The following ABLIM2 variants were observed in gnomAD, a reference collection of about 807,000 sequenced individuals.
ABLIM2 encodes actin-binding LIM protein 2.
ABLIM2 carries 53 observed loss-of-function variants against 97.7 expected under a neutral mutation model. The ratio of observed to expected loss-of-function variants is 0.54; its 90% CI spans 0.44 to 0.68. The LOEUF (loss-of-function observed/expected upper bound fraction) is 0.68, where lower values mean the gene tolerates loss of function less well. ABLIM2 is among the 30% of genes least tolerant of loss of function. The pLI is 0.00. For missense variants in ABLIM2, 835 were observed against 867.2 expected, an observed-to-expected ratio of 0.96 and a Z score of 0.47; for synonymous variants, 361 against 345.8, an observed-to-expected ratio of 1.04 and a Z score of -0.49.
rs138468536 is a variant in ABLIM2 at position 8,081,012 on chromosome 4, A to C, written c.455-210T>G. 2.9e-3 allele frequency among the ~76,000 whole-genome samples: 448 copies of C among 152,270 alleles called. 5 individuals are homozygous for C. The highest frequency in any genetic ancestry group is 0.021 in the Admixed American group (319 of 15,298). On this transcript the variant is annotated intron_variant, in intron 4 of 20. Transcript: ENST00000447017. ...ACTGGGGAAGTTTGACCCTGCATGCATTGAGCACTGACTGCATGCAGCCTG... is the reference window on the plus strand; with the variant it reads ...ACTGGGGAAGTTTGACCCTGCATGCCTTGAGCACTGACTGCATGCAGCCTG...
chr4:8,110,797 G>C (rs536239850), intron 1 of ABLIM2, among the ~76,000 whole-genome samples: 1 of 152,218 alleles, frequency 6.6e-6, no homozygotes, highest in Non-Finnish European at 1.5e-5. Flanking sequence ...GCCCTCTCGC[G>C]ATGGGAGATA....
In ABLIM2 at chr4:8,080,730, C is replaced by A. The variant is rs1561236738; in HGVS notation, c.527G>T (p.Gly176Val). ...CCCACAGCTCTTGCACTTAAAACAG[C>A]CCAAGTGCCAGTGCTTGTCCAAGGC... ...LVALDKHWHL[G>V]CFKCKSCGKL... The change falls in exon 5 of 21, where the codon GGC (glycine) becomes GTC (valine). Residue 176 changes from glycine (G) to valine (V), a missense_variant. Physicochemically the swap from Gly to Val is moderately radical, Grantham distance 109. Transcript: ENST00000447017. 1.9e-6 allele frequency: 3 copies of A among 1,612,962 alleles called. No homozygotes were observed. The highest frequency in any genetic ancestry group is 1.7e-5 in the Admixed American group (1 of 59,990).
At chr4:8,136,792 G>A (rs1306537352) in intron 1 of ABLIM2, among the ~76,000 whole-genome samples, 2 of 152,210 alleles carry the variant, frequency 1.3e-5, no homozygotes, top group East Asian at 1.9e-4. Flanking sequence ...ACGTGGCCTC[G>A]GGTCCAGCTG....
chr4:8,067,973 C>T lies in ABLIM2; in HGVS notation c.676-6919G>A, dbSNP rs1809108054. Among the ~76,000 whole-genome samples the T allele has an allele frequency of 6.6e-6, 1 of 152,186 alleles. No individual in the cohort carries two copies. Among genetic ancestry groups the T allele is most frequent in the South Asian group, 2.1e-4 (1 of 4,830 alleles). On this transcript the variant is annotated intron_variant, in intron 6 of 20. Coordinates refer to ENST00000447017, the MANE Select transcript of ABLIM2 (RefSeq NM_001130083.2). This position sits in a 1 kb window ranked among gnomAD's most constrained non-coding sequence, Gnocchi z 5.4. ...CTACCCCATACTTCCTGCTGAGAACCAGTGGGTCACAGGCGGCCATCGATG... is the reference window on the plus strand; with the variant it reads ...CTACCCCATACTTCCTGCTGAGAACTAGTGGGTCACAGGCGGCCATCGATG...
intron 1 of ABLIM2, 117 bp downstream of exon 1, chr4:8,158,563 G>A: frequency 7.7e-7 from 1 of 1,295,728 alleles, no homozygotes; most frequent in Admixed American, 2.3e-5. Context: ...AAAGTTGGGT[G>A]GAGCCGCTGG....
In ABLIM2 at chr4:8,149,607, C is replaced by G. The variant is rs550303113; in HGVS notation, c.10+9073G>C. 6.6e-6 allele frequency among the ~76,000 whole-genome samples: 1 copy of G among 151,682 alleles called. No individual in the cohort carries two copies. Among genetic ancestry groups the G allele is most frequent in the Non-Finnish European group, 1.5e-5 (1 of 67,948 alleles). Reference sequence around the variant, plus strand: ...GAGAGGAGGAGGGACTCCAGGGGAGCGGGGGCAGGCAGAAGGCGGCAGGAA... The same window carrying G: ...GAGAGGAGGAGGGACTCCAGGGGAGGGGGGGCAGGCAGAAGGCGGCAGGAA... On this transcript the variant is annotated intron_variant, in intron 1 of 20. Coordinates refer to ENST00000447017, the MANE Select transcript of ABLIM2 (RefSeq NM_001130083.2). This position sits in a 1 kb window ranked among gnomAD's most constrained non-coding sequence, Gnocchi z 6.4.
rs1044596639 is a variant in ABLIM2, at chr4:8,130,552, G to A, written c.11-23915C>T. ...CCGAGACACTGTGAGGTGGCGCCAC[G>A]CTTGGCCCCGCATTACTGGGACTTG... is the stretch of plus-strand genomic sequence containing the variant. On this transcript the variant is annotated intron_variant, in intron 1 of 20. Transcript: ENST00000447017. The surrounding 1 kb of genome is among the most constrained non-coding windows in gnomAD (Gnocchi z 4.2). Among the ~76,000 whole-genome samples the A allele has an allele frequency of 5.3e-5, 8 of 152,048 alleles. No homozygotes were observed. In the East Asian group the frequency reaches 1.2e-3, roughly 22 times the overall value.
At position 8,044,541 on chromosome 4, in the gene ABLIM2, G is replaced by A. The variant is rs923682504; in HGVS notation, c.900+623C>T. On this transcript the variant is annotated intron_variant, in intron 9 of 20. Transcript: ENST00000447017. The surrounding 1 kb of genome is among the most constrained non-coding windows in gnomAD (Gnocchi z 4.4). Reference sequence around the variant, plus strand: ...ATTAAATAGAATAATCTCCCATCTCGAATCCCACCACCCAGAGGAAATTTC... The same window carrying A: ...ATTAAATAGAATAATCTCCCATCTCAAATCCCACCACCCAGAGGAAATTTC... 5.3e-5 allele frequency among the ~76,000 whole-genome samples: 8 copies of A among 151,274 alleles called. No individual in the cohort carries two copies. The East Asian group carries it at 1.2e-3, about 22-fold the overall frequency.
intron 1 of ABLIM2, among the ~76,000 whole-genome samples, chr4:8,145,261 G>A (rs1851605702): frequency 6.6e-6 from 1 of 151,536 alleles, no homozygotes; most frequent in Non-Finnish European, 1.5e-5. Context: ...TCAGCTCACT[G>A]CAATCTTCGC....
intron 8 of ABLIM2, among the ~76,000 whole-genome samples, chr4:8,051,574 A>AG: frequency 6.6e-6 from 1 of 151,512 alleles, no homozygotes; most frequent in East Asian, 1.9e-4. Flanking sequence ...AAAAAAAAAA[A>AG]AAAAAGAAAA....
intron 5 of ABLIM2, among the ~76,000 whole-genome samples, chr4:8,078,307 G>C (rs1003686854): frequency 1.3e-5 from 2 of 152,242 alleles, no homozygotes; most frequent in Non-Finnish European, 2.9e-5. Flanking sequence ...GAAAGAGCAG[G>C]AGGGCTGCAC....
In ABLIM2 at chr4:8,004,110, C is replaced by G. The variant is rs1255828940; in HGVS notation, c.1618+3949G>C. On this transcript the variant is annotated intron_variant, in intron 16 of 20. Transcript: ENST00000447017. The surrounding 1 kb of genome is among the most constrained non-coding windows in gnomAD (Gnocchi z 5.9). ...CACCTCTGCCCTGGTCCCCACCCAC[C>G]ACCTTCCCTTCCACAGAAAAGCTGC... is the stretch of plus-strand genomic sequence containing the variant. 1.5e-5 allele frequency among the ~76,000 whole-genome samples: 2 copies of G among 137,682 alleles called. No homozygotes were observed. The highest frequency in any genetic ancestry group is 3.0e-5 in the African/African-American group (1 of 33,520). The allele number at this position is 137,682 out of a possible 152,430, so 90.3% of individuals were successfully genotyped here.
Position 8,019,242 on chromosome 4 carries a change from G to T in ABLIM2, c.1423+376C>A, listed in dbSNP as rs1451564577. ...GTTTGTTCTATATTCCAAAGATCGG[G>T]CCTGGATCAGATTGTGGTTCTAGGA... On this transcript the variant is annotated intron_variant, in intron 14 of 20. Transcript: ENST00000447017. The surrounding 1 kb of genome is among the most constrained non-coding windows in gnomAD (Gnocchi z 4.3). 6.6e-6 allele frequency among the ~76,000 whole-genome samples: 1 copy of T among 152,152 alleles called. No homozygotes were observed. Among genetic ancestry groups the T allele is most frequent in the East Asian group, 1.9e-4 (1 of 5,186 alleles).
intron 10 of ABLIM2, among the ~76,000 whole-genome samples, chr4:8,035,419 G>T (rs757282495): frequency 1.3e-5 from 2 of 152,186 alleles, no homozygotes; most frequent in African/African-American, 4.8e-5. Flanking sequence ...AGGGAAACGT[G>T]TTTGAAAGGA....
chr4:8,062,167 C>A (rs1395395998), intron 6 of ABLIM2, among the ~76,000 whole-genome samples: 1 of 152,246 alleles, frequency 6.6e-6, no homozygotes, highest in Non-Finnish European at 1.5e-5. Flanking sequence ...CCTGCCACCT[C>A]CACTCGGGAG....
At chr4:8,119,276 A>G (rs1388291443) in intron 1 of ABLIM2, among the ~76,000 whole-genome samples, 1 of 143,752 alleles carries the variant, frequency 7.0e-6, no homozygotes, top group Non-Finnish European at 1.5e-5. Flanking sequence ...AGCCCAAAGG[A>G]GGCTGGAGAG....
At chr4:8,100,271 CA>C (rs1300816719) in intron 2 of ABLIM2, among the ~76,000 whole-genome samples, 1 of 152,190 alleles carries the variant, frequency 6.6e-6, no homozygotes, top group Non-Finnish European at 1.5e-5. Flanking sequence ...ATTATGGGTA[CA>C]GTAAAATGTT....
At chr4:7,968,050 A>T (rs1233224639) in intron 20 of ABLIM2, among the ~76,000 whole-genome samples, 1 of 152,234 alleles carries the variant, frequency 6.6e-6, no homozygotes, top group Admixed American at 6.5e-5. Context: ...GAGCTGGCTC[A>T]GGCGTCCCCT....
rs760027456 is a variant in ABLIM2 at position 8,008,171 on chromosome 4, C to T, written c.1506G>A (p.Gly502=). ...KQKSSWLMLK[G]DADTRTNSPD... ...GAGAATTGGTCCTTGTGTCTGCATC[C>T]CCCTTGAGCATCAGCCAGCTGCTCT... The change falls in exon 16 of 21, where the codon GGG becomes GGA. Residue 502 remains glycine (G), a synonymous_variant. Coordinates refer to ENST00000447017, the MANE Select transcript of ABLIM2 (RefSeq NM_001130083.2). The T allele has an allele frequency of 3.1e-6, 5 of 1,613,830 alleles. No homozygotes were observed. The South Asian group carries it at 5.5e-5, about 18-fold the overall frequency.
Sources: allele counts gnomAD v4.1 joint callset (sites outside exome capture counted in the v4.1 genomes callset), GRCh38; gene constraint gnomAD v4.1.1; non-coding constraint Gnocchi (gnomAD v3.1); transcripts MANE v1.5; gene names NCBI Gene and HGNC (gene_info 2026-07-23, HGNC 2026-07-21).